Variants in RACK1 observed in about 807,000 individuals in gnomAD.
RACK1 encodes the protein receptor for activated C kinase 1.
A neutral mutation model predicts 42.2 loss-of-function variants in RACK1; 3 were observed. That is an observed-to-expected ratio of 0.07 (90% confidence interval 0.03 to 0.18). The LOEUF (loss-of-function observed/expected upper bound fraction) is 0.18, where lower values mean the gene tolerates loss of function less well. Ranked by LOEUF, RACK1 falls within the 10% of genes least tolerant of loss-of-function variation. The pLI is 1.00. For synonymous variants in RACK1, 181 were observed against 154.8 expected, an observed-to-expected ratio of 1.17 and a Z score of -1.25; for missense variants, 146 against 403.2, an observed-to-expected ratio of 0.36 and a Z score of 5.46.
At chr5:181,239,421 T>TG (rs1322174994) in intron 4 of RACK1, 66 bp downstream of exon 4, 5 of 1,126,090 alleles carry the variant, frequency 4.4e-6, no homozygotes, top group East Asian at 2.3e-5. Context: ...CCACAGGACT[T>TG]GGAGTGTATG....
At chr5:181,237,755 C>T in intron 6 of RACK1, 36 bp from the exon 7 acceptor site, 1 of 1,102,764 alleles carries the variant, frequency 9.1e-7, no homozygotes, top group Non-Finnish European at 1.3e-6. Flanking sequence ...TAAGACTTAC[C>T]AATCAAGAGA....
At chr5:181,241,703 T>C (rs775220784) in intron 2 of RACK1, 64 bp from the exon 3 acceptor site, 6 of 1,547,702 alleles carry the variant, frequency 3.9e-6, no homozygotes, top group Admixed American at 1.7e-5. Flanking sequence ...GTCAGACTCA[T>C]TTCCTGGGCT....
chr5:181,239,683 T>C, intron 3 of RACK1, 101 bp from the exon 4 acceptor site: 1 of 713,346 alleles, frequency 1.4e-6, no homozygotes, highest in Non-Finnish European at 2.4e-6. Flanking sequence ...GGCAGCACCT[T>C]TCAAAAACCA....
rs373846678 is a variant in RACK1 at position 181,239,188 on chromosome 5, G to A, written c.526-11C>T. On this transcript the variant is annotated splice_polypyrimidine_tract_variant and intron_variant, in intron 4 of 7. Transcript: ENST00000512805. ...AGCCAGGTTCCATACCTGCATAGACGTGCGGTTGACAGGTGAACATCCTAG... is the reference window on the plus strand; with the variant it reads ...AGCCAGGTTCCATACCTGCATAGACATGCGGTTGACAGGTGAACATCCTAG... The A allele has an allele frequency of 7.0e-6, 11 of 1,564,762 alleles. No individual in the cohort carries two copies. Among genetic ancestry groups the A allele is most frequent in the South Asian group, 3.3e-5 (3 of 90,116 alleles).
At position 181,238,825 on chromosome 5, in the gene RACK1, A is replaced by T. The variant is rs541404998; in HGVS notation, c.636+242T>A. 2.3e-4 allele frequency: 109 copies of T among 473,764 alleles called. No individual in the cohort carries two copies. In the African/African-American group the frequency reaches 2.7e-3, roughly 12 times the overall value. 29.3% of individuals were successfully genotyped at this position (473,764 alleles called of 1,614,324 possible). A position where few individuals can be genotyped will look rare whatever the true frequency, so the allele number is the denominator to read the frequency against. The stretch of plus-strand genomic sequence containing the variant: ...AAAAAAAAACAAAAAACAAACAAAC[A>T]AAAAAACAACAAAAAAAACCCACAG... On this transcript the variant is annotated intron_variant, in intron 5 of 7. Coordinates refer to ENST00000512805, the MANE Select transcript of RACK1 (RefSeq NM_006098.5).
At chr5:181,242,075 A>C in intron 2 of RACK1, 99 bp downstream of exon 2, 1 of 1,089,034 alleles carries the variant, frequency 9.2e-7, no homozygotes, top group Non-Finnish European at 1.4e-6. Context: ...CCAGTTCCCA[A>C]ATGGACTGGA....
rs1393286443 is a variant in RACK1, at chr5:181,237,439, G to C, written c.888+170C>G. On this transcript the variant is annotated intron_variant, in intron 7 of 7. Coordinates refer to ENST00000512805, the MANE Select transcript of RACK1 (RefSeq NM_006098.5). The stretch of plus-strand genomic sequence containing the variant: ...CCACATCAGTCTTCCCTCTGATGCA[G>C]AAACACATTCACTGGCATGGCAAAC... 4 of 671,088 alleles carry C rather than the reference G, an allele frequency of 6.0e-6. No individual in the cohort carries two copies. In the East Asian group the frequency reaches 1.1e-4, roughly 18 times the overall value. 41.6% of individuals were successfully genotyped at this position (671,088 alleles called of 1,614,324 possible).
chr5:181,238,003 C>A, intron 6 of RACK1, 96 bp downstream of exon 6: 1 of 1,344,968 alleles, frequency 7.4e-7, no homozygotes. Flanking sequence ...GAAAGCTTAG[C>A]TCCCAGGTGG....
In RACK1 at chr5:181,237,022, C is replaced by T. The variant is rs149248823; in HGVS notation, c.909G>A (p.Thr303=). The T allele has an allele frequency of 2.9e-5, 47 of 1,613,960 alleles. No individual in the cohort carries two copies. Among genetic ancestry groups the T allele is most frequent in the African/African-American group, 1.9e-4 (14 of 74,878 alleles). ...CCTGCCACACTCGCACCAGGTTGTC[C>T]GTGTAGCCAGCAAACAGAGTCTGCA... ...ADGQTLFAGY[T]DNLVRVWQVT... is the part of the protein sequence containing the mutation. Residue 303 remains threonine (T), a synonymous_variant, in exon 8 of 8, where the codon ACG becomes ACA. Coordinates refer to ENST00000512805, the MANE Select transcript of RACK1 (RefSeq NM_006098.5).
chr5:181,239,592 A>G lies in RACK1; in HGVS notation c.430-10T>C. On this transcript the variant is annotated splice_polypyrimidine_tract_variant and intron_variant, in intron 3 of 7. Transcript: ENST00000512805. ...CTGAGTGGCTCTCATCCTACAGAAG[A>G]TGGAAAGGAAATTAGGGCAAACAGT... 1 of 1,594,158 alleles carries G rather than the reference A, an allele frequency of 6.3e-7. No individual in the cohort carries two copies. The highest frequency in any genetic ancestry group is 8.6e-7 in the Non-Finnish European group (1 of 1,161,940).
chr5:181,237,767 T>C, intron 6 of RACK1, 48 bp from the exon 7 acceptor site: 1 of 1,036,704 alleles, frequency 9.6e-7, no homozygotes, highest in Non-Finnish European at 1.5e-6. Context: ...ATCAAGAGAG[T>C]CTCCTCTTAA....
Position 181,243,218 on chromosome 5 carries a change from C to G in RACK1, c.109+474G>C, listed in dbSNP as rs1215720333. The G allele has an allele frequency of 4.7e-6, 6 of 1,269,636 alleles. No homozygotes were observed. The South Asian group carries it at 7.3e-5, about 15-fold the overall frequency. 78.6% of individuals were successfully genotyped at this position (1,269,636 alleles called of 1,614,324 possible). A position where few individuals can be genotyped will look rare whatever the true frequency, so the allele number is the denominator to read the frequency against. On this transcript the variant is annotated intron_variant, in intron 1 of 7. Transcript: ENST00000512805. ...GCAGTCAGGAACACAGGGATAGGGA[C>G]GGGGAGAACCAGGGGCAGAAAAAGT... is the stretch of plus-strand genomic sequence containing the variant.
At chr5:181,239,964 A>G (rs1398902123) in intron 3 of RACK1, among the ~76,000 whole-genome samples, 1 of 152,180 alleles carries the variant, frequency 6.6e-6, no homozygotes, top group East Asian at 1.9e-4. Context: ...AACACTGCTT[A>G]AACCCAGGAA....
At chr5:181,238,869 T>C in intron 5 of RACK1, 198 bp downstream of exon 5, 2 of 635,692 alleles carry the variant, frequency 3.1e-6, no homozygotes, top group Admixed American at 2.3e-5. Context: ...AAAATCATCT[T>C]TTTCTTCCAG....
intron 1 of RACK1, chr5:181,243,215 G>A (rs1453197572): frequency 1.8e-5 from 22 of 1,251,066 alleles, no homozygotes; most frequent in East Asian, 5.4e-5. Flanking sequence ...ACAGGGATAG[G>A]GACGGGGAGA....
chr5:181,237,926 T>C (rs893274089), intron 6 of RACK1, 173 bp downstream of exon 6: 14 of 694,374 alleles, frequency 2.0e-5, no homozygotes, highest in Non-Finnish European at 3.2e-5. Context: ...CTAAACATCC[T>C]GGAATGTACA....
In RACK1 at chr5:181,243,502, T is replaced by C; in HGVS notation, c.109+190A>G. On this transcript the variant is annotated intron_variant, in intron 1 of 7. Transcript: ENST00000512805. ...TGTACACGTAGGTTCTCATCTGCAA[T>C]GTGGTTCGCCCGGGTTGAGGCCTAG... is the stretch of plus-strand genomic sequence containing the variant. 3 of 1,432,150 alleles carry C rather than the reference T, an allele frequency of 2.1e-6. No homozygotes were observed. The African/African-American group carries it at 4.3e-5, about 20-fold the overall frequency. 88.7% of individuals were successfully genotyped at this position (1,432,150 alleles called of 1,614,324 possible).
intron 7 of RACK1, 108 bp from the exon 8 acceptor site, chr5:181,237,150 T>C: frequency 6.4e-7 from 1 of 1,562,860 alleles, no homozygotes; most frequent in Non-Finnish European, 8.7e-7. Flanking sequence ...TGCTCCATTG[T>C]CTAGGCTGGA....
At chr5:181,238,497 T>C (rs540876120) in intron 5 of RACK1, 28 of 431,334 alleles carry the variant, frequency 6.5e-5, no homozygotes, top group Non-Finnish European at 1.1e-4. Flanking sequence ...CCCAATCTCA[T>C]CAACTGCTTC....
Sources: allele counts gnomAD v4.1 joint callset (sites outside exome capture counted in the v4.1 genomes callset), GRCh38; gene constraint gnomAD v4.1.1; transcripts MANE v1.5; gene names NCBI Gene and HGNC (gene_info 2026-07-23, HGNC 2026-07-21).